The following OPRM1 variants were observed in gnomAD, a reference collection of about 807,000 sequenced individuals.
The protein encoded by OPRM1 is mu-type opioid receptor.
A neutral mutation model predicts 31.8 loss-of-function variants in OPRM1; 27 were observed. The observed-to-expected ratio is 0.85, with a 90% confidence interval of 0.63 to 1.17. The LOEUF is 1.17. Among genes scored for constraint, OPRM1 ranks in the 50% most tolerant of loss-of-function variants. The pLI, the probability that OPRM1 is intolerant of heterozygous loss-of-function variation, is 0.00. For synonymous variants in OPRM1, 196 were observed against 189.9 expected, an observed-to-expected ratio of 1.03 and a Z score of -0.26; for missense variants, 536 against 511.1, an observed-to-expected ratio of 1.05 and a Z score of -0.47.
At chr6:154,150,414 G>A (rs768865146) in intron 3 of OPRM1, among the ~76,000 whole-genome samples, 15 of 152,288 alleles carry the variant, frequency 9.8e-5, no homozygotes, top group East Asian at 1.9e-4. Flanking sequence ...AAGTGCCTTC[G>A]TCCTTTAGTC....
chr6:154,072,608 A>C (rs17174729), intron 1 of OPRM1, among the ~76,000 whole-genome samples: 100 of 152,362 alleles, frequency 6.6e-4, no homozygotes, highest in Non-Finnish European at 1.2e-3. Context: ...AGAGAATATA[A>C]AGCAATAAAT....
chr6:154,179,044 G>A lies in OPRM1; in HGVS notation c.1165-67649G>A, dbSNP rs75561240. On this transcript the variant is annotated intron_variant, in intron 3 of 3. Coordinates refer to the OPRM1 transcript ENST00000337049. ...GGGATGCACTGTGCCCCAGGTCCACGACCCAGTCAGGGACATTACATTGTT... is the reference window on the plus strand; with the variant it reads ...GGGATGCACTGTGCCCCAGGTCCACAACCCAGTCAGGGACATTACATTGTT... Among the ~76,000 whole-genome samples, 655 of 152,280 alleles carry A rather than the reference G, an allele frequency of 4.3e-3. 4 individuals are homozygous for A. Among genetic ancestry groups the A allele is most frequent in the African/African-American group, 0.012 (493 of 41,544 alleles).
At chr6:154,086,947 C>T in intron 1 of OPRM1, 3 of 983,000 alleles carry the variant, frequency 3.1e-6, no homozygotes, top group Non-Finnish European at 3.6e-6. Flanking sequence ...ATCTTAAAAC[C>T]ACAGTTTTAA....
intron 1 of OPRM1, among the ~76,000 whole-genome samples, chr6:154,042,906 G>A (rs1299879380): frequency 6.6e-6 from 1 of 152,106 alleles, no homozygotes; most frequent in Non-Finnish European, 1.5e-5. Flanking sequence ...TGGGATGATA[G>A]TATTTCATTG....
intron 3 of OPRM1, chr6:154,156,921 G>A (rs953553000): frequency 6.6e-6 from 1 of 152,200 alleles, no homozygotes; most frequent in Admixed American, 6.5e-5. Flanking sequence ...TTTAGCAGGT[G>A]CCACAGATTT....
Position 154,039,359 on chromosome 6 carries a change from A to T in OPRM1, c.-186A>T. On this transcript the variant is annotated 5_prime_UTR_variant, in exon 1 of 4. An upstream start codon of the reference 5' UTR is lost. Coordinates refer to ENST00000330432, the MANE Select transcript of OPRM1 (RefSeq NM_000914.5). ...GGGAGGGGGCTATACGCAGAGGAGA[A>T]TGTCAGATGCTCAGCTCGGTCCCCT... 1 of 1,545,568 alleles carries T rather than the reference A, an allele frequency of 6.5e-7. No individual in the cohort carries two copies. Among genetic ancestry groups the T allele is most frequent in the Non-Finnish European group, 8.7e-7 (1 of 1,143,248 alleles).
chr6:154,030,194 C>T (rs1778930318), intron 1 of OPRM1, among the ~76,000 whole-genome samples: 1 of 145,130 alleles, frequency 6.9e-6, no homozygotes, highest in African/African-American at 2.9e-5. Flanking sequence ...TGAGAGTCTC[C>T]CCTTGGTGTG....
chr6:154,110,773 G>C (rs1796256121), intron 3 of OPRM1, among the ~76,000 whole-genome samples: 1 of 151,644 alleles, frequency 6.6e-6, no homozygotes, highest in Non-Finnish European at 1.5e-5. Context: ...TGTAGTCCCA[G>C]CTACTCGGGA....
At chr6:154,016,737 A>G (rs1384002202) in intron 1 of OPRM1, among the ~76,000 whole-genome samples, 1 of 152,240 alleles carries the variant, frequency 6.6e-6, no homozygotes, top group Non-Finnish European at 1.5e-5. Context: ...AAAGTTAGGA[A>G]TACACAACAG....
At chr6:154,228,908 C>T (rs1779484239) in intron 3 of OPRM1, among the ~76,000 whole-genome samples, 1 of 152,210 alleles carries the variant, frequency 6.6e-6, no homozygotes, top group Non-Finnish European at 1.5e-5. Context: ...AAACAAAAAA[C>T]AGAGTAAAGG....
At chr6:154,106,783 A>G (rs1371100362) in intron 3 of OPRM1, among the ~76,000 whole-genome samples, 2 of 152,218 alleles carry the variant, frequency 1.3e-5, no homozygotes, top group Non-Finnish European at 2.9e-5. Flanking sequence ...CTTATCTAGA[A>G]TTTAATGGCT....
chr6:154,141,921 A>G (rs1798223477), intron 3 of OPRM1, among the ~76,000 whole-genome samples: 1 of 152,172 alleles, frequency 6.6e-6, no homozygotes, highest in Admixed American at 6.5e-5. Flanking sequence ...CACATCTCCC[A>G]ATCCACAAGC....
chr6:154,156,734 A>G (rs188129514), intron 3 of OPRM1: 4 of 152,254 alleles, frequency 2.6e-5, no homozygotes, highest in Admixed American at 2.0e-4. Flanking sequence ...TTGTGGCAAA[A>G]CTAAGAATTC....
chr6:154,186,503 C>T (rs144844476), intron 3 of OPRM1, among the ~76,000 whole-genome samples: 98 of 152,318 alleles, frequency 6.4e-4, no homozygotes, highest in Non-Finnish European at 1.2e-3. Context: ...ATCCTCCTTT[C>T]GCAGATGCTC....
intron 3 of OPRM1, among the ~76,000 whole-genome samples, chr6:154,213,655 G>C (rs556961064): frequency 6.6e-6 from 1 of 152,122 alleles, no homozygotes; most frequent in Non-Finnish European, 1.5e-5. Context: ...CAGTGGCCCT[G>C]GCAGCTAAAT....
chr6:154,131,366 T>C lies in OPRM1; in HGVS notation c.*12645T>C, dbSNP rs535688931. ...TCCAGGAATAAGAATGGCAACTGAA[T>C]TGTTCCTTCTTTATTCTATAGCTTT... On this transcript the variant is annotated 3_prime_UTR_variant, in exon 4 of 4. Transcript: ENST00000330432. 1.3e-5 allele frequency among the ~76,000 whole-genome samples: 2 copies of C among 152,350 alleles called. No homozygotes were observed. The highest frequency in any genetic ancestry group is 2.4e-5 in the African/African-American group (1 of 41,588).
chr6:154,141,777 G>C (rs968986850), intron 3 of OPRM1, among the ~76,000 whole-genome samples: 8 of 152,326 alleles, frequency 5.3e-5, no homozygotes, highest in African/African-American at 1.9e-4. Context: ...TCCAAAGGAG[G>C]CCATCAGATA....
In OPRM1 at chr6:154,212,796, G is replaced by A. The variant is rs35357377; in HGVS notation, c.1165-33897G>A. 2,243 of 1,613,328 alleles carry A rather than the reference G, an allele frequency of 1.4e-3. 3 individuals carry two copies. The highest frequency in any genetic ancestry group is 1.8e-3 in the Middle Eastern group (11 of 6,060). On this transcript the variant is annotated intron_variant, in intron 3 of 3. Transcript: ENST00000337049. ...AAAGACTGAGTCTGGGAAGCGTGAG[G>A]AGGGGGTGGTGTCTCCGCAGCTATT...
Position 154,089,854 on chromosome 6 carries a change from A to G in OPRM1, c.319A>G (p.Ile107Val). ...CACCAAGATGAAGACTGCCACCAAC[A>G]TCTACATTTTCAACCTTGCTCTGGC... is the stretch of plus-strand genomic sequence containing the variant. ...RYTKMKTATNIYIFNLALADA... is the reference protein window; with the variant it reads ...RYTKMKTATNVYIFNLALADA... Residue 107 changes from isoleucine to valine, a missense_variant, in exon 2 of 4, where the codon ATC becomes GTC. Coordinates refer to ENST00000330432, the MANE Select transcript of OPRM1 (RefSeq NM_000914.5). 6.2e-7 allele frequency: 1 copy of G among 1,613,718 alleles called. No individual in the cohort carries two copies. The highest frequency in any genetic ancestry group is 8.5e-7 in the Non-Finnish European group (1 of 1,179,804).
Sources: gnomAD v4.1 joint callset for allele counts (sites outside exome capture counted in the v4.1 genomes callset) on GRCh38, gnomAD v4.1.1 for gene constraint, MANE v1.5 for transcripts, NCBI Gene and HGNC (gene_info 2026-07-23, HGNC 2026-07-21) for gene names.